MTA3: variants seen among roughly 807,000 people sequenced by gnomAD.
MTA3 encodes metastasis associated 1 family member 3, also known as metastasis-associated protein MTA3.
MTA3 carries 34 observed loss-of-function variants against 83.5 expected under a neutral mutation model. The observed-to-expected ratio is 0.41, with a 90% CI of 0.31 to 0.54. MTA3 has a LOEUF of 0.54. MTA3 is among the 20% of genes least tolerant of loss of function. The probability of loss-of-function intolerance (pLI) is 0.33; values close to 1 mark genes in which losing one functional copy is unlikely to be tolerated. For missense variants in MTA3, 761 were observed against 726.4 expected (o/e 1.05, Z -0.55); for synonymous variants, 303 against 252.7 (o/e 1.20, Z -1.89).
At chr2:42,610,821 A>G (rs531194399) in intron 4 of MTA3, among the ~76,000 whole-genome samples, 1 of 152,000 alleles carries the variant, frequency 6.6e-6, no homozygotes, top group South Asian at 2.1e-4. Flanking sequence ...CAGGGTAAGG[A>G]TGTGTGAGCA....
intron 2 of MTA3, among the ~76,000 whole-genome samples, chr2:42,526,870 A>G (rs776803986): frequency 6.6e-6 from 1 of 151,948 alleles, no homozygotes; most frequent in South Asian, 2.1e-4. Flanking sequence ...TCTGACCAAC[A>G]TGGTGAAACC....
rs980827503 is a variant in MTA3 at position 42,570,304 on chromosome 2, T to G, written c.29-133T>G. The G allele has an allele frequency of 1.2e-5, 6 of 517,546 alleles. No homozygotes were observed. The Admixed American group carries it at 1.9e-4, about 17-fold the overall frequency. 32.1% of individuals were successfully genotyped at this position (517,546 alleles called of 1,614,324 possible). ...AGAGGATATATTAAGGCTGCATTAT[T>G]ATGTTTGCTTTTACCAGTGAATGAA... is the stretch of plus-strand genomic sequence containing the variant. On this transcript the variant is annotated intron_variant, in intron 1 of 16. Coordinates refer to ENST00000405094, the MANE Select transcript of MTA3 (RefSeq NM_001330442.2).
intron 4 of MTA3, among the ~76,000 whole-genome samples, chr2:42,631,667 T>C (rs1419216284): frequency 6.6e-6 from 1 of 152,196 alleles, no homozygotes; most frequent in Non-Finnish European, 1.5e-5. Context: ...CCAGTTATAC[T>C]CTTTTAGTTA....
At chr2:42,745,567 G>A (rs188685109) in intron 16 of MTA3, among the ~76,000 whole-genome samples, 1 of 152,024 alleles carries the variant, frequency 6.6e-6, no homozygotes, top group African/African-American at 2.4e-5. Context: ...TTACAGAGAT[G>A]GGGGCAGGGG....
chr2:42,683,212 G>A (rs961370149), intron 9 of MTA3, among the ~76,000 whole-genome samples: 4 of 152,138 alleles, frequency 2.6e-5, no homozygotes, highest in African/African-American at 7.2e-5. Context: ...CACCATTTGC[G>A]CTAAACAGTC....
chr2:42,593,840 G>A (rs535687788), intron 3 of MTA3, among the ~76,000 whole-genome samples: 1 of 152,162 alleles, frequency 6.6e-6, no homozygotes, highest in Non-Finnish European at 1.5e-5. Flanking sequence ...TATATGCATT[G>A]TGATTTTGAC....
intron 11 of MTA3, among the ~76,000 whole-genome samples, 187 bp downstream of exon 11, chr2:42,698,021 A>AG (rs1693540942): frequency 6.6e-6 from 1 of 152,188 alleles, no homozygotes; most frequent in Admixed American, 6.5e-5. Flanking sequence ...AAATAGACTA[A>AG]CCTGAAGACT....
chr2:42,538,157 C>T (rs925862350), intron 2 of MTA3, among the ~76,000 whole-genome samples: 13 of 151,858 alleles, frequency 8.6e-5, no homozygotes, highest in African/African-American at 3.1e-4. Flanking sequence ...GGCGTGAACC[C>T]GGGAGGTGGA....
chr2:42,732,566 T>C (rs1279021445), intron 16 of MTA3, among the ~76,000 whole-genome samples: 2 of 152,216 alleles, frequency 1.3e-5, no homozygotes, highest in Non-Finnish European at 2.9e-5. Context: ...CTAGAGACAT[T>C]TTCCCCATGG....
At chr2:42,577,134 A>ATATATATATATATATAT (rs1558451250) in intron 2 of MTA3, among the ~76,000 whole-genome samples, 5 of 96,714 alleles carry the variant, frequency 5.2e-5, no homozygotes, top group African/African-American at 2.2e-4. Context: ...ATATATATAT[A>ATATATATATATATATAT]AAAATGAACT....
At chr2:42,636,711 C>G (rs1467086319) in intron 4 of MTA3, among the ~76,000 whole-genome samples, 2 of 149,868 alleles carry the variant, frequency 1.3e-5, no homozygotes, top group African/African-American at 4.9e-5. Flanking sequence ...ACTGCAACCT[C>G]CGGCTCCCAG....
intron 4 of MTA3, among the ~76,000 whole-genome samples, chr2:42,625,683 G>A (rs1300552614): frequency 6.8e-6 from 1 of 146,116 alleles, no homozygotes; most frequent in African/African-American, 2.6e-5. Context: ...GGAGGCGGAG[G>A]TTGCAGTGAA....
At chr2:42,684,051 C>A (rs80108914) in intron 9 of MTA3, among the ~76,000 whole-genome samples, 1 of 152,088 alleles carries the variant, frequency 6.6e-6, no homozygotes, top group African/African-American at 2.4e-5. Context: ...ACAATTAACA[C>A]ATTCATCACC....
intron 8 of MTA3, among the ~76,000 whole-genome samples, chr2:42,660,198 C>T (rs1009664281): frequency 3.9e-5 from 6 of 152,008 alleles, no homozygotes; most frequent in Admixed American, 2.0e-4. Context: ...AAGTGATTCT[C>T]GTGCCTCAGC....
At chr2:42,569,953 G>T (rs1247393151) in intron 1 of MTA3, 3 of 149,764 alleles carry the variant, frequency 2.0e-5, no homozygotes, top group Non-Finnish European at 3.0e-5. Flanking sequence ...CTGCTCATCT[G>T]ATTTTTTTTT....
intron 8 of MTA3, among the ~76,000 whole-genome samples, chr2:42,674,388 G>T (rs981860417): frequency 2.0e-5 from 3 of 152,166 alleles, no homozygotes; most frequent in Non-Finnish European, 4.4e-5. Flanking sequence ...ACTTCTTTTT[G>T]TCATCTCCAT....
At chr2:42,666,248 G>T (rs1260084272) in intron 8 of MTA3, among the ~76,000 whole-genome samples, 10 of 152,226 alleles carry the variant, frequency 6.6e-5, no homozygotes, top group Non-Finnish European at 1.3e-4. Context: ...CTGCACTCCA[G>T]CCTGGGTGAC....
At chr2:42,555,561 C>A (rs1322358234) in intron 2 of MTA3, among the ~76,000 whole-genome samples, 1 of 144,914 alleles carries the variant, frequency 6.9e-6, no homozygotes, top group Non-Finnish European at 1.5e-5. Context: ...GAGATCGAGA[C>A]CATCCTGGCT....
At chr2:42,599,935 G>A (rs1015660228) in intron 3 of MTA3, among the ~76,000 whole-genome samples, 3 of 151,774 alleles carry the variant, frequency 2.0e-5, no homozygotes, top group Admixed American at 6.6e-5. Flanking sequence ...GGTGGCTCAC[G>A]CTTGTAATCC....
Sources: allele counts gnomAD v4.1 joint callset (sites outside exome capture counted in the v4.1 genomes callset), GRCh38; gene constraint gnomAD v4.1.1; transcripts MANE v1.5; gene names NCBI Gene and HGNC (gene_info 2026-07-23, HGNC 2026-07-21).